CRB1: variants seen among roughly 807,000 people sequenced by gnomAD.
CRB1 encodes crumbs cell polarity complex component 1.
In CRB1, 83 loss-of-function variants were observed where a neutral mutation model predicts 120.0. The observed-to-expected ratio is 0.69, with a 90% confidence interval of 0.58 to 0.83. CRB1 has a LOEUF of 0.83. CRB1 is among the 40% of genes least tolerant of loss of function. CRB1 has a pLI of 0.00. For synonymous variants in CRB1, 625 were observed against 612.5 expected (o/e 1.02, Z -0.30); for missense variants, 1,699 against 1,687.6 (o/e 1.01, Z -0.12).
chr1:197,341,769 A>G (rs1020946499), intron 2 of CRB1, among the ~76,000 whole-genome samples: 2 of 152,176 alleles, frequency 1.3e-5, no homozygotes, highest in South Asian at 2.1e-4. Flanking sequence ...CATTTATTCA[A>G]TGAAACCACT....
At chr1:197,343,069 A>T (rs548788811) in intron 2 of CRB1, among the ~76,000 whole-genome samples, 1 of 152,214 alleles carries the variant, frequency 6.6e-6, no homozygotes, top group East Asian at 1.9e-4. Flanking sequence ...TTAAAAAACA[A>T]TCAAATTTAA....
At chr1:197,241,635 G>C in the CRB1 span, among the ~76,000 whole-genome samples, 1 of 151,788 alleles carries the variant, frequency 6.6e-6, no homozygotes, top group Admixed American at 6.6e-5. Context: ...CAGGTAGCAT[G>C]ATGCCTCCAG....
chr1:197,350,622 A>G (rs1660044726), intron 4 of CRB1, among the ~76,000 whole-genome samples: 1 of 152,238 alleles, frequency 6.6e-6, no homozygotes, highest in African/African-American at 2.4e-5. Flanking sequence ...CCTAAATTCT[A>G]GTAGCGAGAC....
intron 4 of CRB1, among the ~76,000 whole-genome samples, chr1:197,348,847 G>T (rs1004211180): frequency 3.3e-5 from 5 of 152,100 alleles, no homozygotes; most frequent in African/African-American, 9.7e-5. Flanking sequence ...AGAGCCAAAA[G>T]GTTTAAAAAT....
intron 1 of CRB1, among the ~76,000 whole-genome samples, chr1:197,290,932 A>G (rs1056673725): frequency 6.6e-6 from 1 of 151,746 alleles, no homozygotes; most frequent in African/African-American, 2.4e-5. Flanking sequence ...TTTAATTGTA[A>G]TGAGCTCTAA....
chr1:197,210,990 C>G, the CRB1 span, among the ~76,000 whole-genome samples: 4 of 151,824 alleles, frequency 2.6e-5, no homozygotes, highest in Non-Finnish European at 4.4e-5. Flanking sequence ...TACTTTGTAC[C>G]AGAAATATAA....
At chr1:197,409,555 T>C (rs1015826551) in intron 5 of CRB1, among the ~76,000 whole-genome samples, 44 of 152,322 alleles carry the variant, frequency 2.9e-4, no homozygotes, top group African/African-American at 9.6e-4. Flanking sequence ...AATATTATTT[T>C]ATGCCAGCTC....
At chr1:197,395,927 C>A (rs908633969) in intron 5 of CRB1, among the ~76,000 whole-genome samples, 1 of 152,130 alleles carries the variant, frequency 6.6e-6, no homozygotes, top group African/African-American at 2.4e-5. Flanking sequence ...CCCCAGAGAT[C>A]AAGATTAACA....
chr1:197,445,473 C>G (rs1665658441), intron 11 of CRB1, among the ~76,000 whole-genome samples: 1 of 152,182 alleles, frequency 6.6e-6, no homozygotes, highest in African/African-American at 2.4e-5. Flanking sequence ...ATGCCAGGAA[C>G]TGTGATAAGC....
At chr1:197,384,380 C>A (rs1407452843) in intron 5 of CRB1, among the ~76,000 whole-genome samples, 1 of 152,098 alleles carries the variant, frequency 6.6e-6, no homozygotes, top group Non-Finnish European at 1.5e-5. Flanking sequence ...CCCACATTTC[C>A]CCCTGACAAC....
At chr1:197,428,026 G>T in intron 7 of CRB1, 25 bp downstream of exon 7, 1 of 1,586,800 alleles carries the variant, frequency 6.3e-7, no homozygotes, top group Non-Finnish European at 8.6e-7. Context: ...TACAAACTAG[G>T]TATATACTGT....
chr1:197,206,415 T>G, the CRB1 span, among the ~76,000 whole-genome samples: 2 of 152,204 alleles, frequency 1.3e-5, no homozygotes, highest in Non-Finnish European at 2.9e-5. Context: ...CTTTTAGCAC[T>G]GCTTTTGCTG....
chr1:197,238,033 A>G, the CRB1 span, among the ~76,000 whole-genome samples: 8 of 152,160 alleles, frequency 5.3e-5, no homozygotes, highest in South Asian at 1.0e-3. Context: ...ACAAATGTTG[A>G]TATGTTGTAT....
At chr1:197,384,964 C>T (rs1167207123) in intron 5 of CRB1, among the ~76,000 whole-genome samples, 3 of 152,078 alleles carry the variant, frequency 2.0e-5, no homozygotes, top group Admixed American at 6.6e-5. Flanking sequence ...TTTAATAAAA[C>T]GAGACTTGCT....
intron 4 of CRB1, among the ~76,000 whole-genome samples, chr1:197,354,940 G>C (rs1324918783): frequency 7.3e-6 from 1 of 137,736 alleles, no homozygotes; most frequent in Non-Finnish European, 1.6e-5. Context: ...GGTCCATTTT[G>C]ACAGAGCACT....
chr1:197,208,579 G>T, the CRB1 span, among the ~76,000 whole-genome samples: 1 of 152,212 alleles, frequency 6.6e-6, no homozygotes, highest in Admixed American at 6.5e-5. Context: ...AGGTTTCTCA[G>T]TTGTGGATAC....
intron 4 of CRB1, among the ~76,000 whole-genome samples, chr1:197,349,255 A>T (rs1659952464): frequency 6.6e-6 from 1 of 152,210 alleles, no homozygotes; most frequent in South Asian, 2.1e-4. Context: ...CTAGGTATGT[A>T]GTCAGCTATA....
intron 11 of CRB1, among the ~76,000 whole-genome samples, chr1:197,459,689 G>T (rs1247719124): frequency 6.6e-6 from 1 of 152,008 alleles, no homozygotes; most frequent in Non-Finnish European, 1.5e-5. Context: ...ACCATGGCAG[G>T]ATCTTACACC....
chr1:197,262,602 C>T, the CRB1 span, among the ~76,000 whole-genome samples: 6 of 152,058 alleles, frequency 3.9e-5, no homozygotes, highest in Non-Finnish European at 7.4e-5. Flanking sequence ...TTGTGTGACA[C>T]TGAGGTTTGA....
Sources: gnomAD v4.1 joint callset for allele counts (sites outside exome capture counted in the v4.1 genomes callset) on GRCh38, gnomAD v4.1.1 for gene constraint, MANE v1.5 for transcripts, NCBI Gene and HGNC (gene_info 2026-07-23, HGNC 2026-07-21) for gene names.